The following NRG3 variants were observed in gnomAD, a reference collection of about 807,000 sequenced individuals.
NRG3 encodes the protein pro-neuregulin-3, membrane-bound isoform.
A neutral mutation model predicts 66.9 loss-of-function variants in NRG3; 31 were observed. That is an observed-to-expected ratio of 0.46 (90% CI 0.35 to 0.63). The LOEUF is 0.63. Among genes scored for constraint, NRG3 ranks in the 20% least tolerant of loss-of-function variants. The pLI, the probability that NRG3 is intolerant of heterozygous loss-of-function variation, is 0.00. For synonymous variants in NRG3, 393 were observed against 359.4 expected (o/e 1.09, Z -1.06); for missense variants, 910 against 878.9 (o/e 1.04, Z -0.45).
chr10:82,112,378 G>T (rs1189968420), intron 1 of NRG3, among the ~76,000 whole-genome samples: 1 of 152,048 alleles, frequency 6.6e-6, no homozygotes, highest in Non-Finnish European at 1.5e-5. Context: ...GAAGTTGTGG[G>T]GTTATTCTTT....
intron 4 of NRG3, among the ~76,000 whole-genome samples, chr10:82,903,206 T>C (rs1844402340): frequency 6.6e-6 from 1 of 152,154 alleles, no homozygotes; most frequent in African/African-American, 2.4e-5. Flanking sequence ...ACTGTAAAAC[T>C]GTAATAAGTT....
Position 82,985,123 on chromosome 10 carries a change from C to T in NRG3, c.1609C>T (p.Gln537Ter). 6.2e-7 allele frequency: 1 copy of T among 1,613,684 alleles called. No individual in the cohort carries two copies. The highest frequency in any genetic ancestry group is 8.5e-7 in the Non-Finnish European group (1 of 1,179,862). Residue 537 changes from glutamine to a stop codon, truncating the protein, a stop_gained, in exon 9 of 9, where the codon CAA (glutamine) becomes TAA (stop). Coordinates refer to ENST00000372141, the MANE Select transcript of NRG3 (RefSeq NM_001010848.4). LOFTEE classifies it high-confidence loss of function. ...QGYSSSGLKT[Q>*]RNTSINMQLP... ...GTATTCATCCAGTGGTTTAAAAACCCAACGAAATACATCAATAAATATGCA... is the reference window on the plus strand; with the variant it reads ...GTATTCATCCAGTGGTTTAAAAACCTAACGAAATACATCAATAAATATGCA...
chr10:82,850,542 T>C (rs915477695), intron 3 of NRG3, among the ~76,000 whole-genome samples: 1 of 152,192 alleles, frequency 6.6e-6, no homozygotes, highest in African/African-American at 2.4e-5. Flanking sequence ...TCAAACTGAA[T>C]TGACACCAAA....
At chr10:82,171,178 A>T (rs2072573775) in intron 1 of NRG3, among the ~76,000 whole-genome samples, 1 of 152,068 alleles carries the variant, frequency 6.6e-6, no homozygotes. Context: ...TAGAAGTCCC[A>T]TTTTTGCATA....
intron 7 of NRG3, among the ~76,000 whole-genome samples, chr10:82,977,114 C>A (rs1456650250): frequency 6.6e-6 from 1 of 152,140 alleles, no homozygotes; most frequent in Non-Finnish European, 1.5e-5. Flanking sequence ...TACCTGCAGA[C>A]CTGAGACTTA....
intron 1 of NRG3, among the ~76,000 whole-genome samples, chr10:82,023,933 T>G (rs184755235): frequency 3.5e-4 from 53 of 152,162 alleles, no homozygotes; most frequent in Admixed American, 6.6e-4. Flanking sequence ...TGTTATTGCT[T>G]CTTCTTTAAA....
At chr10:82,868,255 CT>C (rs1840960467) in intron 4 of NRG3, among the ~76,000 whole-genome samples, 1 of 152,130 alleles carries the variant, frequency 6.6e-6, no homozygotes, top group Non-Finnish European at 1.5e-5. Flanking sequence ...TAGATGCAAT[CT>C]ATGTATTAAG....
intron 2 of NRG3, among the ~76,000 whole-genome samples, chr10:82,699,653 C>T (rs1365393541): frequency 1.3e-5 from 2 of 152,026 alleles, no homozygotes; most frequent in African/African-American, 2.4e-5. Context: ...ACTTGGTGCA[C>T]TTGTTCCACT....
chr10:82,202,815 G>T (rs2074915066), intron 1 of NRG3, among the ~76,000 whole-genome samples: 1 of 152,258 alleles, frequency 6.6e-6, no homozygotes, highest in African/African-American at 2.4e-5. Flanking sequence ...TCTTGTAAAA[G>T]GAGGGACGTG....
intron 1 of NRG3, among the ~76,000 whole-genome samples, chr10:81,915,408 A>G (rs1021509020): frequency 6.6e-6 from 1 of 151,882 alleles, no homozygotes; most frequent in African/African-American, 2.4e-5. Context: ...TGAGTGGCCA[A>G]AAAGGAGATG....
chr10:82,575,167 G>A (rs757405598), intron 2 of NRG3, among the ~76,000 whole-genome samples: 5 of 151,490 alleles, frequency 3.3e-5, no homozygotes, highest in Non-Finnish European at 5.9e-5. Context: ...ACAATATGTT[G>A]TACACAAGAA....
At chr10:81,894,480 C>T (rs1251803572) in intron 1 of NRG3, among the ~76,000 whole-genome samples, 1 of 152,174 alleles carries the variant, frequency 6.6e-6, no homozygotes, top group Non-Finnish European at 1.5e-5. Context: ...TCACTGTATC[C>T]TCACATGGAC....
rs562716024 is a variant in NRG3 at position 81,994,878 on chromosome 10, C to A, written c.823+118715C>A. Among the ~76,000 whole-genome samples the A allele has an allele frequency of 2.6e-5, 4 of 152,142 alleles. No homozygotes were observed. The East Asian group carries it at 5.8e-4, about 22-fold the overall frequency. The stretch of plus-strand genomic sequence containing the variant: ...ATTTACTTTTTGTTTCTTCATAAAT[C>A]TATTTTTATGGTAGCTCTTGAGTTC... On this transcript the variant is annotated intron_variant, in intron 1 of 8. Transcript: ENST00000372141.
chr10:82,539,372 G>T (rs2043372693), intron 2 of NRG3, among the ~76,000 whole-genome samples: 1 of 152,178 alleles, frequency 6.6e-6, no homozygotes, highest in Non-Finnish European at 1.5e-5. Flanking sequence ...TGTAATCAAA[G>T]GATTGCTTTG....
chr10:82,012,677 T>C (rs150460562), intron 1 of NRG3, among the ~76,000 whole-genome samples: 1,909 of 152,318 alleles, frequency 0.013, 15 homozygotes, highest in Non-Finnish European at 0.02. Context: ...CTTTCCTGCT[T>C]AGAAATTTCT....
intron 2 of NRG3, among the ~76,000 whole-genome samples, chr10:82,586,656 TTTC>T (rs2046687703): frequency 6.6e-6 from 1 of 152,202 alleles, no homozygotes; most frequent in African/African-American, 2.4e-5. Flanking sequence ...ATTAAATATA[TTTC>T]TTAACTGGTG....
At chr10:82,201,058 G>T (rs2074785417) in intron 1 of NRG3, among the ~76,000 whole-genome samples, 2 of 151,620 alleles carry the variant, frequency 1.3e-5, no homozygotes, top group South Asian at 2.1e-4. Flanking sequence ...TTAGCCAGGT[G>T]TGGTGACAGG....
intron 3 of NRG3, among the ~76,000 whole-genome samples, chr10:82,806,492 A>T (rs1240223716): frequency 6.6e-6 from 1 of 152,242 alleles, no homozygotes; most frequent in African/African-American, 2.4e-5. Flanking sequence ...TTGGGTAATG[A>T]GCTAGGCTTC....
chr10:82,804,600 T>A (rs2061198087), intron 3 of NRG3, among the ~76,000 whole-genome samples: 1 of 152,196 alleles, frequency 6.6e-6, no homozygotes, highest in African/African-American at 2.4e-5. Flanking sequence ...AAATCAATTA[T>A]CTTCTTCAGG....
Sources: gnomAD v4.1 joint callset for allele counts (sites outside exome capture counted in the v4.1 genomes callset) on GRCh38, gnomAD v4.1.1 for gene constraint, MANE v1.5 for transcripts, NCBI Gene and HGNC (gene_info 2026-07-23, HGNC 2026-07-21) for gene names.